Variants in IER3IP1 observed in about 807,000 individuals in gnomAD.
IER3IP1 encodes the protein immediate early response 3 interacting protein 1.
Under a neutral mutation model 12.2 loss-of-function variants are expected in IER3IP1, and 16 were observed. That is an observed-to-expected ratio of 1.31 (90% CI 0.89 to 1.99). The LOEUF (loss-of-function observed/expected upper bound fraction) is 1.99. Among genes scored for constraint, IER3IP1 ranks in the 30% most tolerant of loss-of-function variants. The pLI is 0.00. For missense variants in IER3IP1, 95 were observed against 95.8 expected (o/e 0.99, Z 0.03); for synonymous variants, 42 against 40.0 (o/e 1.05, Z -0.19).
rs2064018997 is a variant in IER3IP1, at chr18:47,172,604, A to G, written c.91+3583T>C. Among the ~76,000 whole-genome samples the G allele has an allele frequency of 6.6e-6, 1 of 152,212 alleles. No individual in the cohort carries two copies. The highest frequency in any genetic ancestry group is 6.5e-5 in the Admixed American group (1 of 15,284). On this transcript the variant is annotated intron_variant, in intron 1 of 2. Transcript: ENST00000256433. This position sits in a 1 kb window ranked among gnomAD's most constrained non-coding sequence, Gnocchi z 4.0. Reference sequence around the variant, plus strand: ...GGTGGGTAGCATATACAATGTGCATATGCTGGACAAAGGGAAGATTCATGT... The same window carrying G: ...GGTGGGTAGCATATACAATGTGCATGTGCTGGACAAAGGGAAGATTCATGT...
At chr18:47,167,642 A>T (rs1342259068) in intron 1 of IER3IP1, among the ~76,000 whole-genome samples, 5 of 152,166 alleles carry the variant, frequency 3.3e-5, no homozygotes, top group Non-Finnish European at 5.9e-5. Flanking sequence ...AGCTGTGGAG[A>T]TGGAATGGAA....
intron 1 of IER3IP1, among the ~76,000 whole-genome samples, chr18:47,159,628 A>C (rs2063973163): frequency 6.6e-6 from 1 of 152,224 alleles, no homozygotes; most frequent in South Asian, 2.1e-4. Context: ...AAGAAAAAGA[A>C]GAAAGCTGAA....
Position 47,157,512 on chromosome 18 carries a change from AATTCCCTGGTCT to A in IER3IP1, c.105_116del (p.Asp36_Ile39del). ...TTCCCGGCTCTTCTCCAAATCCACCAATTCCCTGGTCTGTTCCCCAGCCAACTGTATAATGTA... is the reference window on the plus strand; with the variant it reads ...TTCCCGGCTCTTCTCCAAATCCACCAGTTCCCCAGCCAACTGTATAATGTA... On this transcript the variant is annotated inframe_deletion, in exon 2 of 3. Transcript: ENST00000256433. 6 of 1,614,078 alleles carry A rather than the reference AATTCCCTGGTCT, an allele frequency of 3.7e-6. No individual in the cohort carries two copies. Among genetic ancestry groups the A allele is most frequent in the Non-Finnish European group, 5.1e-6 (6 of 1,179,988 alleles).
rs2063948647 is a variant in IER3IP1 at position 47,153,634 on chromosome 18, AAC to A, written c.*2541_*2542del. 1 of 123,644 alleles carries A rather than the reference AAC, an allele frequency of 8.1e-6. No individual in the cohort carries two copies. 7.7% of individuals were successfully genotyped at this position (123,644 alleles called of 1,614,324 possible). ...CATTTAGCTCCCACTTATAAGTAAT[AAC>A]ATGTGGTATTTGGTTTTCTGTTCCT... On this transcript the variant is annotated 3_prime_UTR_variant, in exon 3 of 3. Coordinates refer to ENST00000256433, the MANE Select transcript of IER3IP1 (RefSeq NM_016097.5).
chr18:47,158,983 G>A (rs2144424863), intron 1 of IER3IP1, among the ~76,000 whole-genome samples: 1 of 151,836 alleles, frequency 6.6e-6, no homozygotes, highest in East Asian at 2.0e-4. Context: ...TTTTAAAGAG[G>A]CAAATGTGTC....
At chr18:47,171,682 T>G (rs764678736) in intron 1 of IER3IP1, among the ~76,000 whole-genome samples, 4 of 152,224 alleles carry the variant, frequency 2.6e-5, no homozygotes, top group African/African-American at 4.8e-5. Flanking sequence ...CACTGTAATC[T>G]TTATTACTTC....
At chr18:47,166,336 G>C (rs114196879) in intron 1 of IER3IP1, among the ~76,000 whole-genome samples, 1 of 152,124 alleles carries the variant, frequency 6.6e-6, no homozygotes, top group Admixed American at 6.5e-5. Flanking sequence ...TACTGGCCTC[G>C]ACAGAAAAGA....
chr18:47,176,265 G>C lies in IER3IP1; in HGVS notation c.13C>G (p.Leu5Val), dbSNP rs749363298. 48 of 1,609,250 alleles carry C rather than the reference G, an allele frequency of 3.0e-5. No individual in the cohort carries two copies. The highest frequency in any genetic ancestry group is 1.7e-4 in the Middle Eastern group (1 of 5,956). Residue 5 changes from leucine (L) to valine (V), a missense_variant, in exon 1 of 3, where the codon CTG (leucine) becomes GTG (valine). Coordinates refer to ENST00000256433, the MANE Select transcript of IER3IP1 (RefSeq NM_016097.5). MAFT[L>V]YSLLQAALLC... The stretch of plus-strand genomic sequence containing the variant: ...AGGGCTGCCTGCAGCAGTGAGTACA[G>C]GGTAAAGGCCATGGCCGTCCGAGGC...
chr18:47,166,613 G>C (rs966654524), intron 1 of IER3IP1, among the ~76,000 whole-genome samples: 1 of 152,118 alleles, frequency 6.6e-6, no homozygotes, highest in Non-Finnish European at 1.5e-5. Flanking sequence ...TATATTGAAG[G>C]CTACAGATAC....
intron 1 of IER3IP1, among the ~76,000 whole-genome samples, chr18:47,175,587 C>T (rs1403079377): frequency 2.0e-5 from 3 of 152,156 alleles, no homozygotes; most frequent in Non-Finnish European, 2.9e-5. Context: ...CCTCAGCCTC[C>T]CGCCCGGCTA....
intron 1 of IER3IP1, among the ~76,000 whole-genome samples, chr18:47,160,550 C>T (rs1209781636): frequency 1.3e-5 from 2 of 152,142 alleles, no homozygotes; most frequent in Non-Finnish European, 2.9e-5. Flanking sequence ...GAATTTCCCA[C>T]CAAATGCAAA....
At chr18:47,157,215 T>TTA in intron 2 of IER3IP1, 1 of 582,902 alleles carries the variant, frequency 1.7e-6, no homozygotes, top group African/African-American at 1.9e-5. Context: ...ATTATATGTA[T>TTA]TATACTAAGC....
At chr18:47,162,257 A>C (rs1300629695) in intron 1 of IER3IP1, among the ~76,000 whole-genome samples, 1 of 152,194 alleles carries the variant, frequency 6.6e-6, no homozygotes, top group Non-Finnish European at 1.5e-5. Flanking sequence ...ACCTCAATGA[A>C]ATAGCCAATT....
intron 1 of IER3IP1, among the ~76,000 whole-genome samples, chr18:47,171,769 GA>G (rs1413979088): frequency 6.6e-6 from 1 of 152,082 alleles, no homozygotes; most frequent in Non-Finnish European, 1.5e-5. Flanking sequence ...ACTGTTCTGA[GA>G]TTTAGCAGAC....
chr18:47,161,537 T>A (rs973242786), intron 1 of IER3IP1, among the ~76,000 whole-genome samples: 1 of 152,178 alleles, frequency 6.6e-6, no homozygotes, highest in East Asian at 1.9e-4. Context: ...GCTACCTCGA[T>A]TCCCATTGCC....
At chr18:47,158,678 G>A (rs939891290) in intron 1 of IER3IP1, among the ~76,000 whole-genome samples, 1 of 151,900 alleles carries the variant, frequency 6.6e-6, no homozygotes, top group Non-Finnish European at 1.5e-5. Context: ...AAGAATTTGG[G>A]GGCTGGGCAT....
In IER3IP1 at chr18:47,176,237, A is replaced by G; in HGVS notation, c.41T>C (p.Leu14Pro). 1 of 1,609,318 alleles carries G rather than the reference A, an allele frequency of 6.2e-7. No individual in the cohort carries two copies. Among genetic ancestry groups the G allele is most frequent in the Non-Finnish European group, 8.5e-7 (1 of 1,178,198 alleles). ...TLYSLLQAAL[L>P]CVNAIAVLHE... Reference sequence around the variant, plus strand: ...CAGCACTGCGATGGCGTTGACGCAGAGCAGGGCTGCCTGCAGCAGTGAGTA... The same window carrying G: ...CAGCACTGCGATGGCGTTGACGCAGGGCAGGGCTGCCTGCAGCAGTGAGTA... The change falls in exon 1 of 3, where the codon CTC becomes CCC. Residue 14 changes from leucine to proline, a missense_variant. Leu to Pro is a moderately conservative substitution (Grantham distance 98). Transcript: ENST00000256433.
At position 47,155,667 on chromosome 18, in the gene IER3IP1, G is replaced by A. The variant is rs1055043415; in HGVS notation, c.*510C>T. ...ATTTGAATTTATAGCTGAGACAATA[G>A]ACAAAATAATTAACCAAGGAGCTTA... On this transcript the variant is annotated 3_prime_UTR_variant, in exon 3 of 3. Coordinates refer to ENST00000256433, the MANE Select transcript of IER3IP1 (RefSeq NM_016097.5). The A allele has an allele frequency of 2.6e-5, 4 of 152,336 alleles. No individual in the cohort carries two copies. The highest frequency in any genetic ancestry group is 4.8e-5 in the African/African-American group (2 of 41,404). 9.4% of individuals were successfully genotyped at this position (152,336 alleles called of 1,614,324 possible). A position where few individuals can be genotyped will look rare whatever the true frequency, so the allele number is the denominator to read the frequency against.
intron 1 of IER3IP1, among the ~76,000 whole-genome samples, chr18:47,167,882 A>G (rs970795782): frequency 2.6e-4 from 40 of 151,966 alleles, no homozygotes; most frequent in African/African-American, 9.7e-4. Flanking sequence ...CCAGCACTTT[A>G]GGAAGCCGAC....
Sources: gnomAD v4.1 joint callset for allele counts (sites outside exome capture counted in the v4.1 genomes callset) on GRCh38, gnomAD v4.1.1 for gene constraint, Gnocchi (gnomAD v3.1) non-coding constraint, MANE v1.5 for transcripts, NCBI Gene and HGNC (gene_info 2026-07-23, HGNC 2026-07-21) for gene names.